The following HIP1 variants were observed in gnomAD, a reference collection of about 807,000 sequenced individuals.
The protein encoded by HIP1 is huntingtin-interacting protein 1.
Under a neutral mutation model 147.6 loss-of-function variants are expected in HIP1, and 65 were observed. The observed-to-expected ratio is 0.44, with a 90% CI of 0.36 to 0.54. HIP1 has a LOEUF of 0.54. HIP1 is among the 20% of genes least tolerant of loss of function. HIP1 has a pLI of 0.00. For synonymous variants in HIP1, 479 were observed against 504.0 expected (o/e 0.95, Z 0.67); for missense variants, 1,061 against 1,299.6 (o/e 0.82, Z 2.82).
chr7:75,578,819 C>T (rs1554498130), intron 7 of HIP1, among the ~76,000 whole-genome samples: 1 of 151,474 alleles, frequency 6.6e-6, no homozygotes, highest in African/African-American at 2.4e-5. Flanking sequence ...CAAACATTTC[C>T]AAAGCATTTT....
intron 1 of HIP1, among the ~76,000 whole-genome samples, chr7:75,624,834 C>G (rs587625332): frequency 3.3e-5 from 5 of 152,292 alleles, no homozygotes; most frequent in Admixed American, 1.3e-4. Context: ...TATTTAAGTT[C>G]CATCATTCAT....
chr7:75,608,680 T>C (rs1554504290), intron 1 of HIP1, among the ~76,000 whole-genome samples: 1 of 152,216 alleles, frequency 6.6e-6, no homozygotes, highest in African/African-American at 2.4e-5. Context: ...AGGCAGTTTC[T>C]GGATGAACTT....
intron 2 of HIP1, among the ~76,000 whole-genome samples, chr7:75,597,858 T>C (rs587699747): frequency 1.2e-4 from 19 of 152,064 alleles, no homozygotes; most frequent in African/African-American, 4.6e-4. Context: ...CTTCAGCCTT[T>C]GGGGATTAAG....
rs1410581997 is a variant in HIP1 at position 75,658,552 on chromosome 7, C to T, written c.121-59305G>A. On this transcript the variant is annotated intron_variant, in intron 1 of 30. Transcript: ENST00000336926. Reference sequence around the variant, plus strand: ...CGGGCAGGAAAGGAGGCACAGAGGTCGCTGGGTTTGGGTATTGGCATGTGT... The same window carrying T: ...CGGGCAGGAAAGGAGGCACAGAGGTTGCTGGGTTTGGGTATTGGCATGTGT... Among the ~76,000 whole-genome samples the T allele has an allele frequency of 4.6e-5, 7 of 152,064 alleles. No homozygotes were observed. The South Asian group carries it at 8.3e-4, about 18-fold the overall frequency.
chr7:75,559,703 G>GGGGGGGCC, intron 14 of HIP1, 29 bp downstream of exon 14: 1 of 1,195,144 alleles, frequency 8.4e-7, no homozygotes, highest in Non-Finnish European at 1.2e-6. Context: ...TGCCCCCGGG[G>GGGGGGGCC]CCCGCCCCCG....
intron 2 of HIP1, 63 bp downstream of exon 2, chr7:75,599,121 C>T (rs1584859871): frequency 9.4e-6 from 12 of 1,273,684 alleles, no homozygotes; most frequent in East Asian, 6.9e-5. Flanking sequence ...CTGGCCCTGA[C>T]CTCAGTCCCC....
At position 75,556,377 on chromosome 7, in the gene HIP1, G is replaced by A. The variant is rs185932328; in HGVS notation, c.1684-208C>T. Among the ~76,000 whole-genome samples, 28 of 152,256 alleles carry A rather than the reference G, an allele frequency of 1.8e-4. No individual in the cohort carries two copies. The East Asian group carries it at 5.4e-3, about 29-fold the overall frequency. On this transcript the variant is annotated intron_variant, in intron 17 of 30. Transcript: ENST00000336926. The stretch of plus-strand genomic sequence containing the variant: ...GATGGTGGATGACAGCAACGCCAAA[G>A]CCAGGGGTGGGGCAAGAAAGGAGGC...
intron 1 of HIP1, among the ~76,000 whole-genome samples, chr7:75,688,743 C>T (rs539911257): frequency 1.3e-5 from 2 of 152,180 alleles, no homozygotes; most frequent in African/African-American, 4.8e-5. Flanking sequence ...GCTCTGCCCC[C>T]CAACAGCCAG....
chr7:75,607,971 G>A (rs2117043846), intron 1 of HIP1, among the ~76,000 whole-genome samples: 1 of 152,248 alleles, frequency 6.6e-6, no homozygotes, highest in South Asian at 2.1e-4. Context: ...TAAACTCACT[G>A]GCACAAGGGA....
At chr7:75,705,136 T>A (rs1554519549) in intron 1 of HIP1, among the ~76,000 whole-genome samples, 1 of 152,180 alleles carries the variant, frequency 6.6e-6, no homozygotes, top group Non-Finnish European at 1.5e-5. Context: ...CTCTTCCTCT[T>A]GCAAAACTGA....
chr7:75,600,752 A>T (rs1048963094), intron 1 of HIP1, among the ~76,000 whole-genome samples: 1 of 151,942 alleles, frequency 6.6e-6, no homozygotes, highest in Non-Finnish European at 1.5e-5. Flanking sequence ...TCTAGTTTTT[A>T]TTATTATTAT....
intron 1 of HIP1, among the ~76,000 whole-genome samples, chr7:75,735,414 A>T (rs1002256560): frequency 6.6e-6 from 1 of 152,230 alleles, no homozygotes; most frequent in Non-Finnish European, 1.5e-5. Flanking sequence ...AGATTTAAAA[A>T]GGTAATACAA....
At chr7:75,552,139 C>A (rs1451534127) in intron 22 of HIP1, among the ~76,000 whole-genome samples, 5 of 152,184 alleles carry the variant, frequency 3.3e-5, no homozygotes, top group Admixed American at 3.3e-4. Flanking sequence ...GATCCACCTG[C>A]CTCGGCCTCC....
chr7:75,658,759 TA>T lies in HIP1; in HGVS notation c.121-59513del, dbSNP rs1259041662. Among the ~76,000 whole-genome samples, 24 of 148,766 alleles carry T rather than the reference TA, an allele frequency of 1.6e-4. No individual in the cohort carries two copies. The East Asian group carries it at 2.0e-3, about 12-fold the overall frequency. On this transcript the variant is annotated intron_variant, in intron 1 of 30. Transcript: ENST00000336926. Reference sequence around the variant, plus strand: ...GCAAAACCCTGTCTCTAGAAAAGATTAAAAAAAAAATCACCTGTAATCCTAG... The same window carrying T: ...GCAAAACCCTGTCTCTAGAAAAGATTAAAAAAAAATCACCTGTAATCCTAG...
At chr7:75,656,011 C>T (rs1554512575) in intron 1 of HIP1, among the ~76,000 whole-genome samples, 1 of 151,120 alleles carries the variant, frequency 6.6e-6, no homozygotes, top group East Asian at 2.0e-4. Context: ...CCCAACTACT[C>T]GGGAAGCTGA....
At chr7:75,544,214 G>C (rs1294303742) in intron 27 of HIP1, among the ~76,000 whole-genome samples, 1 of 150,556 alleles carries the variant, frequency 6.6e-6, no homozygotes, top group Non-Finnish European at 1.5e-5. Context: ...GATAGTATGG[G>C]ACCCTTAACA....
rs1794035393 is a variant in HIP1, at chr7:75,535,136, TA to T, written c.*3035del. 1 of 215,750 alleles carries T rather than the reference TA, an allele frequency of 4.6e-6. No homozygotes were observed. The highest frequency in any genetic ancestry group is 9.4e-6 in the Non-Finnish European group (1 of 106,936). The allele number at this position is 215,750 out of a possible 1,614,324, so 13.4% of individuals were successfully genotyped here. On this transcript the variant is annotated 3_prime_UTR_variant, in exon 31 of 31. Transcript: ENST00000336926. ...GCTACTTCCTCATGTGACACTGAAT[TA>T]GCCTCTGCTTCTGTTTAAGTGCTTT...
chr7:75,577,326 C>A (rs1795878600), intron 7 of HIP1, among the ~76,000 whole-genome samples: 2 of 74,900 alleles, frequency 2.7e-5, no homozygotes, highest in Non-Finnish European at 5.3e-5. Flanking sequence ...AGTGAGATCC[C>A]ATCTCCAAAA....
In HIP1 at chr7:75,557,734, G is replaced by A; in HGVS notation, c.1501C>T (p.Gln501Ter). Residue 501 changes from glutamine (Q) to a stop codon, truncating the protein, a stop_gained, in exon 16 of 31, where the codon CAA becomes TAA. Transcript: ENST00000336926. LOFTEE classifies it high-confidence loss of function. Reference sequence around the variant, plus strand: ...TCTCGTTCCAAATCTACCTGGGCTTGTCTGGCCATGGACACCTGTTTGGTC... The same window carrying A: ...TCTCGTTCCAAATCTACCTGGGCTTATCTGGCCATGGACACCTGTTTGGTC... ...EVTKQVSMAR[Q>*]AQVDLEREKK... The A allele has an allele frequency of 6.2e-7, 1 of 1,614,126 alleles. No individual in the cohort carries two copies. The highest frequency in any genetic ancestry group is 8.5e-7 in the Non-Finnish European group (1 of 1,180,006).
Sources: gnomAD v4.1 joint callset for allele counts (sites outside exome capture counted in the v4.1 genomes callset) on GRCh38, gnomAD v4.1.1 for gene constraint, MANE v1.5 for transcripts, NCBI Gene and HGNC (gene_info 2026-07-23, HGNC 2026-07-21) for gene names.